Variants in CREBBP observed in about 807,000 individuals in gnomAD.
CREBBP encodes the protein CREB binding lysine acetyltransferase, also known as CREB-binding protein.
In CREBBP, 19 loss-of-function variants were observed where a neutral mutation model predicts 265.0. The ratio of observed to expected loss-of-function variants is 0.07; its 90% confidence interval spans 0.05 to 0.11. The LOEUF is 0.11. Ranked by LOEUF, CREBBP falls within the 10% of genes least tolerant of loss-of-function variation. The probability of loss-of-function intolerance (pLI) is 1.00; values close to 1 mark genes in which losing one functional copy is unlikely to be tolerated. For missense variants in CREBBP, 2,525 were observed against 3,219.0 expected (o/e 0.78, Z 5.22); for synonymous variants, 1,457 against 1,223.7 (o/e 1.19, Z -3.98).
chr16:3,796,598 G>C (rs1365747813), intron 3 of CREBBP, among the ~76,000 whole-genome samples: 2 of 152,052 alleles, frequency 1.3e-5, no homozygotes, highest in Admixed American at 6.6e-5. Flanking sequence ...TGTTGGCCAA[G>C]CTGGTCTTGA....
At chr16:3,840,795 T>A (rs980129776) in intron 2 of CREBBP, 2 of 154,530 alleles carry the variant, frequency 1.3e-5, no homozygotes, top group Non-Finnish European at 2.9e-5. Context: ...AACACTCCTG[T>A]CTATGCAGAA....
At chr16:3,757,183 G>T in intron 19 of CREBBP, 105 bp downstream of exon 19, 3 of 1,029,318 alleles carry the variant, frequency 2.9e-6, no homozygotes, top group Non-Finnish European at 4.5e-6. Flanking sequence ...CTGAAATTGG[G>T]CCACTTTTTA....
chr16:3,840,463 C>T (rs2054544804), intron 2 of CREBBP: 2 of 152,684 alleles, frequency 1.3e-5, no homozygotes, highest in African/African-American at 4.8e-5. Context: ...ATTTGAGAGT[C>T]CAGCAACAGT....
intron 22 of CREBBP, 66 bp downstream of exon 22, chr16:3,745,211 C>T (rs557124562): frequency 1.1e-4 from 149 of 1,377,060 alleles, no homozygotes; most frequent in Non-Finnish European, 1.5e-4. Context: ...GATGCAGTAG[C>T]CACTGCAACT....
intron 1 of CREBBP, among the ~76,000 whole-genome samples, chr16:3,859,584 G>A (rs915947021): frequency 6.6e-6 from 1 of 152,224 alleles, no homozygotes; most frequent in East Asian, 1.9e-4. Context: ...GAAGACCAAG[G>A]CATGACTGAT....
chr16:3,751,719 T>C lies in CREBBP; in HGVS notation c.3779+7A>G. ...CACCCCAGAGAAAATGACAGGACGG[T>C]ACTTACGTCTGGGGCTGTGAAGGGT... On this transcript the variant is annotated splice_region_variant and intron_variant, in intron 20 of 30. Transcript: ENST00000262367. 1.2e-6 allele frequency: 2 copies of C among 1,613,958 alleles called. No homozygotes were observed. The highest frequency in any genetic ancestry group is 1.7e-6 in the Non-Finnish European group (2 of 1,179,858).
intron 2 of CREBBP, among the ~76,000 whole-genome samples, chr16:3,849,427 GTGTGTGTGTGTGTGTGTGTGTGTGTGT>G (rs2054749885): frequency 0.011 from 175 of 16,392 alleles, 5 homozygotes; most frequent in Non-Finnish European, 0.022. Context: ...GTGTGTGTGT[GTGTGTGTGTGTGTGTGTGTGTGTGTGT>G]GTGTGTGTGT....
At chr16:3,875,503 G>A (rs886680768) in intron 1 of CREBBP, among the ~76,000 whole-genome samples, 2 of 152,112 alleles carry the variant, frequency 1.3e-5, no homozygotes, top group Non-Finnish European at 2.9e-5. Context: ...AAAGGGGGAC[G>A]CCCTAACCCA....
At chr16:3,852,169 T>TG (rs2054863957) in intron 1 of CREBBP, among the ~76,000 whole-genome samples, 1 of 112,614 alleles carries the variant, frequency 8.9e-6, no homozygotes, top group Non-Finnish European at 2.0e-5. Context: ...TTTTTTTTTT[T>TG]TTTTTTTTTT....
intron 28 of CREBBP, among the ~76,000 whole-genome samples, chr16:3,734,825 G>A (rs978360539): frequency 6.6e-6 from 1 of 152,186 alleles, no homozygotes; most frequent in Non-Finnish European, 1.5e-5. Flanking sequence ...TCCGCCTACA[G>A]CCCATCCGGC....
chr16:3,785,757 G>A (rs1277514870), intron 5 of CREBBP, among the ~76,000 whole-genome samples: 1 of 152,210 alleles, frequency 6.6e-6, no homozygotes, highest in African/African-American at 2.4e-5. Context: ...TCAAGGCCGT[G>A]TGCTCATTTG....
intron 1 of CREBBP, among the ~76,000 whole-genome samples, chr16:3,870,285 T>C (rs1567378254): frequency 6.6e-6 from 1 of 152,204 alleles, no homozygotes; most frequent in Admixed American, 6.5e-5. Flanking sequence ...AAGATCTGTG[T>C]AGCTGAGCCC....
At chr16:3,807,359 C>T (rs2053851006) in intron 3 of CREBBP, among the ~76,000 whole-genome samples, 2 of 152,124 alleles carry the variant, frequency 1.3e-5, no homozygotes, top group Non-Finnish European at 2.9e-5. Flanking sequence ...GTTTGGGACA[C>T]CAAATTTAGT....
chr16:3,766,373 C>T (rs1439842489), intron 16 of CREBBP, among the ~76,000 whole-genome samples: 1 of 152,192 alleles, frequency 6.6e-6, no homozygotes, highest in Admixed American at 6.5e-5. Flanking sequence ...ACCAAAATAA[C>T]CAATCACAAC....
At chr16:3,781,650 A>C (rs2053275689) in intron 6 of CREBBP, among the ~76,000 whole-genome samples, 1 of 152,108 alleles carries the variant, frequency 6.6e-6, no homozygotes, top group African/African-American at 2.4e-5. Context: ...CTCCTGAGTG[A>C]CTCAGCTGCA....
chr16:3,751,917 C>T (rs773177299), intron 19 of CREBBP, 111 bp from the exon 20 acceptor site: 24 of 1,010,846 alleles, frequency 2.4e-5, no homozygotes, highest in African/African-American at 4.8e-5. Flanking sequence ...GAAGGGGGGG[C>T]GTTGTTGGTT....
At chr16:3,866,337 T>C (rs1420188392) in intron 1 of CREBBP, among the ~76,000 whole-genome samples, 5 of 152,180 alleles carry the variant, frequency 3.3e-5, no homozygotes, top group East Asian at 3.8e-4. Flanking sequence ...ATAAAGATGA[T>C]GTTAAAAATG....
At chr16:3,759,863 C>T (rs1241223793) in intron 16 of CREBBP, among the ~76,000 whole-genome samples, 1 of 152,142 alleles carries the variant, frequency 6.6e-6, no homozygotes, top group Non-Finnish European at 1.5e-5. Flanking sequence ...ATACTGGCTG[C>T]CAAATACATT....
At chr16:3,799,602 G>C (rs1406747895) in intron 3 of CREBBP, among the ~76,000 whole-genome samples, 1 of 152,198 alleles carries the variant, frequency 6.6e-6, no homozygotes, top group Non-Finnish European at 1.5e-5. Flanking sequence ...TAAAATATGT[G>C]TGCAAAGATA....
Sources: allele counts gnomAD v4.1 joint callset (sites outside exome capture counted in the v4.1 genomes callset), GRCh38; gene constraint gnomAD v4.1.1; transcripts MANE v1.5; gene names NCBI Gene and HGNC (gene_info 2026-07-23, HGNC 2026-07-21).